Variants in TARBP1 observed in about 807,000 individuals in gnomAD.
TARBP1 encodes the protein tRNA (guanosine(18)-2'-O)-methyltransferase TARBP1.
A neutral mutation model predicts 178.6 loss-of-function variants in TARBP1; 144 were observed. That is an observed-to-expected ratio of 0.81 (90% CI 0.70 to 0.93). The LOEUF is 0.93. Among genes scored for constraint, TARBP1 ranks in the 40% least tolerant of loss-of-function variants. TARBP1 has a pLI of 0.00. For missense variants in TARBP1, 2,067 were observed against 2,011.7 expected (o/e 1.03, Z -0.53); for synonymous variants, 787 against 781.0 (o/e 1.01, Z -0.13).
At position 234,395,149 on chromosome 1, in the gene TARBP1, G is replaced by A. The variant is rs566818154; in HGVS notation, c.4244-1312C>T. On this transcript the variant is annotated intron_variant, in intron 26 of 29. Coordinates refer to ENST00000040877, the MANE Select transcript of TARBP1 (RefSeq NM_005646.4). ...TGAGGCACGAGAATCGCTTGAACCCGTGAGGCAGAGGTTGCAGTGAGCTGA... is the reference window on the plus strand; with the variant it reads ...TGAGGCACGAGAATCGCTTGAACCCATGAGGCAGAGGTTGCAGTGAGCTGA... Among the ~76,000 whole-genome samples the A allele has an allele frequency of 2.2e-4, 34 of 152,238 alleles. No homozygotes were observed. In the East Asian group the frequency reaches 6.2e-3, roughly 28 times the overall value.
In TARBP1 at chr1:234,393,446, G is replaced by A. The variant is rs139858208; in HGVS notation, c.4476C>T (p.Leu1492=). The A allele has an allele frequency of 6.2e-6, 10 of 1,609,490 alleles. No individual in the cohort carries two copies. Among genetic ancestry groups the A allele is most frequent in the African/African-American group, 2.7e-5 (2 of 74,708 alleles). ...RTCEVFGASV[L]VVGSLQCISD... ...TGATACACTGAAGGCTGCCAACAAC[G>A]AGCACTGAAGCCCCAAATACCTCAC... Residue 1492 remains leucine, a synonymous_variant, in exon 28 of 30, where the codon CTC becomes CTT. Transcript: ENST00000040877.
At chr1:234,472,251 C>T (rs1659662264) in intron 2 of TARBP1, among the ~76,000 whole-genome samples, 1 of 147,656 alleles carries the variant, frequency 6.8e-6, no homozygotes, top group Non-Finnish European at 1.5e-5. Context: ...ATCACTTGAA[C>T]CCAGGAGGCG....
chr1:234,479,164 C>G lies in TARBP1; in HGVS notation c.-61G>C. ...AAGGAAGGCGCCGGCGTGTGCGATG[C>G]GTGCGCACAGGACCGGCCGGCCCCT... On this transcript the variant is annotated 5_prime_UTR_variant, in exon 1 of 30. Transcript: ENST00000040877. The G allele has an allele frequency of 4.2e-6, 6 of 1,416,184 alleles. No homozygotes were observed. Among genetic ancestry groups the G allele is most frequent in the Non-Finnish European group, 5.5e-6 (6 of 1,090,846 alleles). 87.7% of individuals were successfully genotyped at this position (1,416,184 alleles called of 1,614,324 possible). A position where few individuals can be genotyped will look rare whatever the true frequency, so the allele number is the denominator to read the frequency against.
At position 234,410,447 on chromosome 1, in the gene TARBP1, T is replaced by A; in HGVS notation, c.3790A>T (p.Lys1264Ter). ...TAAATTCTTACAAACAAACTTACCTTTTCTGGAATATTTTGAGTAATAATG... is the reference window on the plus strand; with the variant it reads ...TAAATTCTTACAAACAAACTTACCTATTCTGGAATATTTTGAGTAATAATG... ...LDIITQNIPE[K>*]KLILKQALIV... Residue 1264 changes from lysine (K) to a stop codon, truncating the protein, a stop_gained and splice_region_variant, in exon 23 of 30, where the codon AAG becomes TAG. Coordinates refer to ENST00000040877, the MANE Select transcript of TARBP1 (RefSeq NM_005646.4). LOFTEE classifies it high-confidence loss of function. The A allele has an allele frequency of 6.8e-7, 1 of 1,461,788 alleles. No homozygotes were observed. Among genetic ancestry groups the A allele is most frequent in the Non-Finnish European group, 9.4e-7 (1 of 1,064,186 alleles). The allele number at this position is 1,461,788 out of a possible 1,614,324, so 90.6% of individuals were successfully genotyped here.
rs1196936271 is a variant in TARBP1 at position 234,450,555 on chromosome 1, C to G, written c.1734G>C (p.Trp578Cys). ...GTSLWTELCDWLRVNESYFKP... is the reference protein window; with the variant it reads ...GTSLWTELCDCLRVNESYFKP... ...TAAAATAGCTTTCATTAACACGTAG[C>G]CAGTCACACAGCTGGAAAAGAAAAC... Residue 578 changes from tryptophan to cysteine, a missense_variant, in exon 10 of 30, where the codon TGG (tryptophan) becomes TGC (cysteine). Trp to Cys is a radical substitution (Grantham distance 215). Coordinates refer to ENST00000040877, the MANE Select transcript of TARBP1 (RefSeq NM_005646.4). 1 of 1,607,340 alleles carries G rather than the reference C, an allele frequency of 6.2e-7. No individual in the cohort carries two copies. Among genetic ancestry groups the G allele is most frequent in the Admixed American group, 1.7e-5 (1 of 58,324 alleles).
chr1:234,459,448 C>T, intron 7 of TARBP1, 122 bp from the exon 8 acceptor site: 1 of 714,886 alleles, frequency 1.4e-6, no homozygotes, highest in Non-Finnish European at 2.3e-6. Context: ...TGCAGAATTT[C>T]AAAGCTGTTA....
At chr1:234,392,814 C>G in intron 28 of TARBP1, 2 of 200,706 alleles carry the variant, frequency 1.0e-5, no homozygotes, top group Non-Finnish European at 2.0e-5. Context: ...GGGTTCACGC[C>G]ATTCTCCTGC....
chr1:234,467,806 G>A (rs1454450484), intron 3 of TARBP1, among the ~76,000 whole-genome samples, 156 bp from the exon 4 acceptor site: 3 of 152,062 alleles, frequency 2.0e-5, no homozygotes, highest in African/African-American at 4.8e-5. Context: ...GGTTCTCACT[G>A]TGTCACCCAG....
At chr1:234,399,416 C>A (rs137865896) in intron 25 of TARBP1, among the ~76,000 whole-genome samples, 1 of 152,182 alleles carries the variant, frequency 6.6e-6, no homozygotes, top group East Asian at 1.9e-4. Flanking sequence ...GTAGGGGGCA[C>A]CAAGTACAGC....
chr1:234,434,272 GA>G (rs1462665736), intron 13 of TARBP1, among the ~76,000 whole-genome samples: 1 of 152,162 alleles, frequency 6.6e-6, no homozygotes, highest in Non-Finnish European at 1.5e-5. Flanking sequence ...CAGGGTTTCT[GA>G]AGGAATCAAT....
At chr1:234,469,676 C>T (rs1668847734) in intron 3 of TARBP1, among the ~76,000 whole-genome samples, 2 of 152,230 alleles carry the variant, frequency 1.3e-5, no homozygotes, top group Non-Finnish European at 2.9e-5. Context: ...AATAATGTGG[C>T]ATTTTATCAT....
chr1:234,408,515 G>C (rs1572232180), intron 23 of TARBP1, among the ~76,000 whole-genome samples: 1 of 152,154 alleles, frequency 6.6e-6, no homozygotes, highest in East Asian at 1.9e-4. Context: ...CAGGAGTCAT[G>C]TAGCTGGAAG....
intron 20 of TARBP1, among the ~76,000 whole-genome samples, chr1:234,425,061 C>CA (rs200260687): frequency 0.26 from 33,440 of 128,308 alleles, 4,080 homozygotes; most frequent in East Asian, 0.46. Flanking sequence ...AACTCCGTCT[C>CA]AAAAAAAAAA....
rs775443959 is a variant in TARBP1, at chr1:234,479,049, G to C, written c.55C>G (p.Leu19Val). The stretch of plus-strand genomic sequence containing the variant: ...TCCCCTTGGCACAGCGCCCCAAGCA[G>C]GGCCCGGGGGTCCCGGCTCTGCGAG... Reference protein sequence around the residue: ...LLSQSRDPRALLGALCQGEAS... With the variant: ...LLSQSRDPRAVLGALCQGEAS... Residue 19 changes from leucine (L) to valine (V), a missense_variant, in exon 1 of 30, where the codon CTG becomes GTG. Physicochemically the swap from Leu to Val is conservative, Grantham distance 32. Coordinates refer to ENST00000040877, the MANE Select transcript of TARBP1 (RefSeq NM_005646.4). 10 of 1,538,802 alleles carry C rather than the reference G, an allele frequency of 6.5e-6. No homozygotes were observed. Among genetic ancestry groups the C allele is most frequent in the Non-Finnish European group, 7.8e-6 (9 of 1,155,822 alleles).
At chr1:234,420,957 G>A (rs1485335261) in intron 20 of TARBP1, 145 bp from the exon 21 acceptor site, 4 of 457,842 alleles carry the variant, frequency 8.7e-6, no homozygotes, top group East Asian at 6.7e-5. Flanking sequence ...AGGAGGATGA[G>A]AAAAAGAATG....
At chr1:234,434,312 C>T (rs1664789453) in intron 13 of TARBP1, among the ~76,000 whole-genome samples, 1 of 152,146 alleles carries the variant, frequency 6.6e-6, no homozygotes, top group African/African-American at 2.4e-5. Context: ...ATTAATATAT[C>T]ATTACTATAC....
At chr1:234,431,904 G>T (rs1041831391) in intron 14 of TARBP1, among the ~76,000 whole-genome samples, 1 of 152,110 alleles carries the variant, frequency 6.6e-6, no homozygotes, top group South Asian at 2.1e-4. Context: ...TTGGGAGGCC[G>T]AGGTGGGTGG....
chr1:234,458,547 C>G (rs1451150863), intron 8 of TARBP1, among the ~76,000 whole-genome samples: 1 of 152,062 alleles, frequency 6.6e-6, no homozygotes, highest in Admixed American at 6.6e-5. Flanking sequence ...TTATTTAGTT[C>G]AGAAGTTGCA....
At position 234,478,528 on chromosome 1, in the gene TARBP1, G is replaced by A; in HGVS notation, c.576C>T (p.Ala192=). 7.3e-7 allele frequency: 1 copy of A among 1,371,932 alleles called. No individual in the cohort carries two copies. The highest frequency in any genetic ancestry group is 9.4e-7 in the Non-Finnish European group (1 of 1,059,438). The allele number at this position is 1,371,932 out of a possible 1,614,324, so 85.0% of individuals were successfully genotyped here. The part of the protein sequence containing the change: ...GPAEDAAALV[A]GRLLPVLVQC... Reference sequence around the variant, plus strand: ...GGACCAGCACTGGCAGCAGTCGCCCGGCCACCAGCGCCGCCGCGTCCTCGG... The same window carrying A: ...GGACCAGCACTGGCAGCAGTCGCCCAGCCACCAGCGCCGCCGCGTCCTCGG... The change falls in exon 1 of 30, where the codon GCC becomes GCT. Residue 192 remains alanine, a synonymous_variant. Coordinates refer to ENST00000040877, the MANE Select transcript of TARBP1 (RefSeq NM_005646.4).
Sources: allele counts gnomAD v4.1 joint callset (sites outside exome capture counted in the v4.1 genomes callset), GRCh38; gene constraint gnomAD v4.1.1; transcripts MANE v1.5; gene names NCBI Gene and HGNC (gene_info 2026-07-23, HGNC 2026-07-21).